The following TMEM38A variants were observed in gnomAD, a reference collection of about 807,000 sequenced individuals.
TMEM38A encodes trimeric intracellular cation channel type A.
In TMEM38A, 17 loss-of-function variants were observed where a neutral mutation model predicts 28.6. The observed-to-expected ratio is 0.60, with a 90% CI of 0.41 to 0.89. The LOEUF is 0.89. Ranked by LOEUF, TMEM38A falls within the 40% of genes least tolerant of loss-of-function variation. The pLI, the probability that TMEM38A is intolerant of heterozygous loss-of-function variation, is 0.00. For synonymous variants in TMEM38A, 169 were observed against 166.1 expected (o/e 1.02, Z -0.14); for missense variants, 328 against 393.1 (o/e 0.83, Z 1.40).
At chr19:16,686,492 C>G (rs1828584321) in intron 5 of TMEM38A, 87 bp downstream of exon 5, 1 of 1,095,480 alleles carries the variant, frequency 9.1e-7, no homozygotes, top group African/African-American at 1.5e-5. Flanking sequence ...TTGGACACTC[C>G]CAGCCTTATG....
At chr19:16,670,439 C>T (rs1178465129) in intron 1 of TMEM38A, among the ~76,000 whole-genome samples, 1 of 151,966 alleles carries the variant, frequency 6.6e-6, no homozygotes, top group African/African-American at 2.4e-5. Flanking sequence ...CGTGCCCAGC[C>T]GAGGCAGAGC....
intron 4 of TMEM38A, among the ~76,000 whole-genome samples, chr19:16,685,915 C>T (rs1025181139): frequency 2.0e-5 from 3 of 152,222 alleles, no homozygotes; most frequent in East Asian, 1.9e-4. Context: ...TGCCTATAAT[C>T]CCAGCACTTT....
chr19:16,688,373 G>A lies in TMEM38A; in HGVS notation c.*2G>A. 1 of 1,574,952 alleles carries A rather than the reference G, an allele frequency of 6.3e-7. No individual in the cohort carries two copies. The highest frequency in any genetic ancestry group is 8.6e-7 in the Non-Finnish European group (1 of 1,164,088). ...AAGAAGGCCAAGAAGGCGGATTAGG[G>A]GGTGGCCCAAGGGGCACCGGGGAGA... On this transcript the variant is annotated 3_prime_UTR_variant, in exon 6 of 6. Transcript: ENST00000187762.
chr19:16,665,013 G>A (rs1377839311), intron 1 of TMEM38A, among the ~76,000 whole-genome samples: 18 of 151,308 alleles, frequency 1.2e-4, no homozygotes, highest in Admixed American at 1.1e-3. Flanking sequence ...ATACAAAAAT[G>A]GCTAGGCGCG....
At chr19:16,685,920 C>A (rs2086799772) in intron 4 of TMEM38A, among the ~76,000 whole-genome samples, 1 of 152,228 alleles carries the variant, frequency 6.6e-6, no homozygotes, top group African/African-American at 2.4e-5. Context: ...ATAATCCCAG[C>A]ACTTTGGGAG....
At chr19:16,681,377 G>T (rs1261899434) in intron 3 of TMEM38A, among the ~76,000 whole-genome samples, 1 of 152,076 alleles carries the variant, frequency 6.6e-6, no homozygotes, top group Non-Finnish European at 1.5e-5. Context: ...AATCCACCAG[G>T]AAGATATAAC....
At position 16,687,225 on chromosome 19, in the gene TMEM38A, G is replaced by A. The variant is rs577735292; in HGVS notation, c.672+820G>A. Among the ~76,000 whole-genome samples the A allele has an allele frequency of 1.0e-3, 155 of 152,208 alleles. 4 individuals are homozygous for A. The South Asian group carries it at 0.032, about 31-fold the overall frequency. ...CACATGCCTGTAATCCCAGCTACTC[G>A]GGAGGCTGAGGCAGGAGAATCGCTT... On this transcript the variant is annotated intron_variant, in intron 5 of 5. Coordinates refer to ENST00000187762, the MANE Select transcript of TMEM38A (RefSeq NM_024074.4).
chr19:16,678,714 G>A (rs1229158733), intron 1 of TMEM38A, among the ~76,000 whole-genome samples: 5 of 143,576 alleles, frequency 3.5e-5, no homozygotes, highest in Non-Finnish European at 7.5e-5. Flanking sequence ...GCAGTGAGTC[G>A]TGATTGCACC....
At chr19:16,674,767 C>G (rs1377513107) in intron 1 of TMEM38A, among the ~76,000 whole-genome samples, 2 of 152,018 alleles carry the variant, frequency 1.3e-5, no homozygotes, top group Non-Finnish European at 2.9e-5. Flanking sequence ...CCATTGAACT[C>G]CAGCCTGCGC....
intron 1 of TMEM38A, among the ~76,000 whole-genome samples, chr19:16,672,891 A>G (rs1250886432): frequency 6.6e-6 from 1 of 152,136 alleles, no homozygotes; most frequent in African/African-American, 2.4e-5. Context: ...ATCTGGAGAC[A>G]TTCTTGGTTG....
intron 4 of TMEM38A, among the ~76,000 whole-genome samples, chr19:16,684,054 C>T (rs1244163881): frequency 2.0e-5 from 3 of 151,462 alleles, no homozygotes; most frequent in Non-Finnish European, 2.9e-5. Context: ...CGGTTGAACC[C>T]GGGAGGCAGA....
At chr19:16,676,623 A>G (rs2122588601) in intron 1 of TMEM38A, among the ~76,000 whole-genome samples, 1 of 152,248 alleles carries the variant, frequency 6.6e-6, no homozygotes, top group Non-Finnish European at 1.5e-5. Flanking sequence ...GTGGCCTTAG[A>G]AGATTACGAA....
At chr19:16,684,046 G>A (rs976695869) in intron 4 of TMEM38A, among the ~76,000 whole-genome samples, 1 of 151,202 alleles carries the variant, frequency 6.6e-6, no homozygotes, top group Non-Finnish European at 1.5e-5. Flanking sequence ...AGGAGAACCG[G>A]TTGAACCCGG....
chr19:16,679,954 G>A, intron 1 of TMEM38A, 30 bp from the exon 2 acceptor site: 1 of 1,567,844 alleles, frequency 6.4e-7, no homozygotes. Context: ...GCATGCTGGT[G>A]ATGATGGGGG....
Position 16,688,719 on chromosome 19 carries a change from A to C in TMEM38A, c.*348A>C. ...CTTTAAAATTGCATCTTGACCAGGCACAGTGGCTCATGCCTATAATCCTAG... is the reference window on the plus strand; with the variant it reads ...CTTTAAAATTGCATCTTGACCAGGCCCAGTGGCTCATGCCTATAATCCTAG... On this transcript the variant is annotated 3_prime_UTR_variant, in exon 6 of 6. Coordinates refer to ENST00000187762, the MANE Select transcript of TMEM38A (RefSeq NM_024074.4). 5.9e-6 allele frequency: 1 copy of C among 169,516 alleles called. No homozygotes were observed. The highest frequency in any genetic ancestry group is 1.9e-4 in the South Asian group (1 of 5,180). 10.5% of individuals were successfully genotyped at this position (169,516 alleles called of 1,614,324 possible). A position where few individuals can be genotyped will look rare whatever the true frequency, so the allele number is the denominator to read the frequency against.
intron 4 of TMEM38A, among the ~76,000 whole-genome samples, chr19:16,683,148 A>G (rs953559378): frequency 3.4e-4 from 51 of 151,770 alleles, no homozygotes; most frequent in Middle Eastern, 3.4e-3. Flanking sequence ...TAATTTTTGT[A>G]TTTTGAGTAG....
chr19:16,665,041 T>A (rs2086697347), intron 1 of TMEM38A, among the ~76,000 whole-genome samples: 1 of 151,898 alleles, frequency 6.6e-6, no homozygotes, highest in South Asian at 2.1e-4. Flanking sequence ...ATGCCTGTAA[T>A]CCGAGCACTT....
Position 16,688,182 on chromosome 19 carries a change from T to C in TMEM38A, c.711T>C (p.Phe237=), listed in dbSNP as rs772201812. ...LTATHSHSSP[F]DALEGYICPV... is the part of the protein sequence containing the mutation. ...CCACCCACTCACACAGCTCCCCCTT[T>C]GATGCCCTGGAGGGCTACATCTGCC... The change falls in exon 6 of 6, where the codon TTT becomes TTC. Residue 237 remains phenylalanine (F), a synonymous_variant. Transcript: ENST00000187762. 6 of 1,477,532 alleles carry C rather than the reference T, an allele frequency of 4.1e-6. No individual in the cohort carries two copies. In the Admixed American group the frequency reaches 1.1e-4, roughly 28 times the overall value. The allele number at this position is 1,477,532 out of a possible 1,614,324, so 91.5% of individuals were successfully genotyped here.
rs879565489 is a variant in TMEM38A, at chr19:16,663,271, ACT to A, written c.124+1933_124+1934del. 1.1e-4 allele frequency among the ~76,000 whole-genome samples: 16 copies of A among 148,142 alleles called. 1 individual carries two copies. The highest frequency in any genetic ancestry group is 4.0e-4 in the African/African-American group (16 of 39,958). ...ACTCCAGCCTGGGCGACAGAGCAAG[ACT>A]CTGTCTCGAAAAAAAAAAAAATCTG... is the stretch of plus-strand genomic sequence containing the variant. On this transcript the variant is annotated intron_variant, in intron 1 of 5. Transcript: ENST00000187762.
Sources: allele counts gnomAD v4.1 joint callset (sites outside exome capture counted in the v4.1 genomes callset), GRCh38; gene constraint gnomAD v4.1.1; transcripts MANE v1.5; gene names NCBI Gene and HGNC (gene_info 2026-07-23, HGNC 2026-07-21).